The following PACRG variants were observed in gnomAD, a reference collection of about 807,000 sequenced individuals.
The protein encoded by PACRG is parkin coregulated.
Under a neutral mutation model 29.7 loss-of-function variants are expected in PACRG, and 29 were observed. The ratio of observed to expected loss-of-function variants is 0.98; its 90% CI spans 0.73 to 1.33. PACRG has a LOEUF of 1.33. PACRG is among the 40% of genes most tolerant of loss of function. The pLI is 0.00. For missense variants in PACRG, 279 were observed against 316.2 expected (o/e 0.88, Z 0.89); for synonymous variants, 116 against 118.7 (o/e 0.98, Z 0.15).
rs913140997 is a variant in PACRG at position 163,045,725 on chromosome 6, C to T, written c.292-16425C>T. Among the ~76,000 whole-genome samples the T allele has an allele frequency of 4.0e-5, 6 of 150,774 alleles. No individual in the cohort carries two copies. In the Middle Eastern group the frequency reaches 0.01, roughly 262 times the overall value. On this transcript the variant is annotated intron_variant, in intron 2 of 4. Transcript: ENST00000366888. ...GCAACCTCCGCCTCCCAGGTTCAAG[C>T]GATTCTCCTGCCTCAGCCTCCCGAG...
chr6:162,867,535 A>T (rs1792400817), intron 2 of PACRG, among the ~76,000 whole-genome samples: 3 of 152,082 alleles, frequency 2.0e-5, no homozygotes, highest in South Asian at 4.1e-4. Flanking sequence ...ATGCAGAGCA[A>T]GGGGACTCTC....
At chr6:162,742,483 G>T (rs953530966) in intron 1 of PACRG, among the ~76,000 whole-genome samples, 16 of 152,132 alleles carry the variant, frequency 1.1e-4, no homozygotes, top group Admixed American at 6.5e-5. Flanking sequence ...ACCAATAGGA[G>T]AATGGACTAA....
chr6:163,016,346 T>C (rs1806106162), intron 2 of PACRG: 1 of 152,178 alleles, frequency 6.6e-6, no homozygotes. Context: ...ATGGGAAAGA[T>C]CTACTCTGGG....
At chr6:163,284,259 A>G (rs1377978890) in intron 4 of PACRG, among the ~76,000 whole-genome samples, 6 of 152,244 alleles carry the variant, frequency 3.9e-5, no homozygotes, top group Non-Finnish European at 8.8e-5. Context: ...AAACAAGCCA[A>G]GGTTCAGAGA....
chr6:162,904,518 C>T (rs914079476), intron 2 of PACRG, among the ~76,000 whole-genome samples: 9 of 152,184 alleles, frequency 5.9e-5, no homozygotes, highest in African/African-American at 1.2e-4. Context: ...GCCGTGCTGC[C>T]GCCCAACTCA....
intron 2 of PACRG, among the ~76,000 whole-genome samples, chr6:163,004,722 G>GTGTGTGTGTA: frequency 7.5e-6 from 1 of 133,244 alleles, no homozygotes; most frequent in South Asian, 2.2e-4. Flanking sequence ...GTGTGTGTGT[G>GTGTGTGTGTA]TGTGTATATA....
At chr6:163,222,671 A>G (rs2128159763) in intron 4 of PACRG, among the ~76,000 whole-genome samples, 1 of 152,346 alleles carries the variant, frequency 6.6e-6, no homozygotes, top group East Asian at 1.9e-4. Context: ...ATTAATGGCC[A>G]TCCTAAAAGA....
intron 4 of PACRG, among the ~76,000 whole-genome samples, chr6:163,114,645 A>T (rs1038847416): frequency 5.3e-5 from 8 of 152,190 alleles, no homozygotes; most frequent in Non-Finnish European, 1.5e-5. Context: ...TGATGAATCT[A>T]AAATAATCAA....
intron 4 of PACRG, among the ~76,000 whole-genome samples, chr6:163,274,052 C>CT (rs918085018): frequency 5.3e-5 from 8 of 151,844 alleles, no homozygotes; most frequent in Non-Finnish European, 1.0e-4. Context: ...TTATTATACT[C>CT]TAAGTTCTAG....
chr6:162,791,311 G>GTTTTTTTTT (rs60664405), intron 1 of PACRG, among the ~76,000 whole-genome samples: 4 of 128,814 alleles, frequency 3.1e-5, no homozygotes, highest in African/African-American at 2.9e-5. Context: ...TTGTTTGTTT[G>GTTTTTTTTT]TTTTTTTTTT....
intron 2 of PACRG, among the ~76,000 whole-genome samples, chr6:162,838,558 C>G (rs1789451397): frequency 6.6e-6 from 1 of 152,016 alleles, no homozygotes; most frequent in Non-Finnish European, 1.5e-5. Context: ...TGAGTCTTTC[C>G]CACACTAGTT....
At chr6:162,958,882 TATAGAGAGAGAGAGAGAGAGAGAG>T (rs1246594079) in intron 2 of PACRG, among the ~76,000 whole-genome samples, 152 of 15,110 alleles carry the variant, frequency 0.01, no homozygotes, top group African/African-American at 0.029. Flanking sequence ...TATATATATA[TATAGAGAGAGAGAGAGAGAGAGAG>T]AGAGAGAGAG....
chr6:163,122,372 G>A lies in PACRG; in HGVS notation c.613+32964G>A, dbSNP rs184796603. The stretch of plus-strand genomic sequence containing the variant: ...TATAGTTGGTTTGTGTGACCCCTCC[G>A]AATCGCTTGTTGAAATTTGATCCCC... On this transcript the variant is annotated intron_variant, in intron 4 of 4. Coordinates refer to ENST00000366888, the MANE Select transcript of PACRG (RefSeq NM_001080379.2). 1.1e-4 allele frequency among the ~76,000 whole-genome samples: 16 copies of A among 152,000 alleles called. 1 individual carries two copies. Among genetic ancestry groups the A allele is most frequent in the East Asian group, 3.9e-4 (2 of 5,158 alleles).
chr6:162,782,522 T>A (rs1784169077), intron 1 of PACRG, among the ~76,000 whole-genome samples: 1 of 151,910 alleles, frequency 6.6e-6, no homozygotes, highest in African/African-American at 2.4e-5. Context: ...AAATTTTAGA[T>A]GATTTTTTCT....
At chr6:162,985,694 A>G (rs376280073) in intron 2 of PACRG, among the ~76,000 whole-genome samples, 3 of 152,094 alleles carry the variant, frequency 2.0e-5, no homozygotes, top group African/African-American at 7.2e-5. Flanking sequence ...TAGTGCTGGT[A>G]TTCCTAGCCA....
At chr6:163,221,662 A>G (rs947137667) in intron 4 of PACRG, among the ~76,000 whole-genome samples, 2 of 152,242 alleles carry the variant, frequency 1.3e-5, no homozygotes, top group African/African-American at 4.8e-5. Flanking sequence ...TAAATGAATA[A>G]TATTCCAAAG....
At chr6:162,913,448 A>G (rs951804002) in intron 2 of PACRG, among the ~76,000 whole-genome samples, 1 of 152,156 alleles carries the variant, frequency 6.6e-6, no homozygotes, top group African/African-American at 2.4e-5. Context: ...TGATTTCTCT[A>G]TTCACTTGTC....
chr6:163,050,131 G>A (rs780262307), intron 2 of PACRG, among the ~76,000 whole-genome samples: 79 of 151,956 alleles, frequency 5.2e-4, no homozygotes, highest in South Asian at 8.3e-4. Flanking sequence ...TCCATTCTAC[G>A]TAAGTTTTTC....
At chr6:163,025,878 A>C (rs948492808) in intron 2 of PACRG, among the ~76,000 whole-genome samples, 6 of 152,242 alleles carry the variant, frequency 3.9e-5, no homozygotes, top group African/African-American at 1.4e-4. Context: ...ATGAGTGTCC[A>C]GTTTAGGCAA....
Sources: allele counts gnomAD v4.1 joint callset (sites outside exome capture counted in the v4.1 genomes callset), GRCh38; gene constraint gnomAD v4.1.1; transcripts MANE v1.5; gene names NCBI Gene and HGNC (gene_info 2026-07-23, HGNC 2026-07-21).